The following BICC1 variants were observed in gnomAD, a reference collection of about 807,000 sequenced individuals.
BICC1 encodes protein bicaudal C homolog 1.
BICC1 carries 43 observed loss-of-function variants against 111.0 expected under a neutral mutation model. The observed-to-expected ratio is 0.39, with a 90% CI of 0.30 to 0.50. The LOEUF is 0.50. Ranked by LOEUF, BICC1 falls within the 20% of genes least tolerant of loss-of-function variation. BICC1 has a pLI of 0.88. For synonymous variants in BICC1, 467 were observed against 434.4 expected, an observed-to-expected ratio of 1.07 and a Z score of -0.93; for missense variants, 1,091 against 1,203.2, an observed-to-expected ratio of 0.91 and a Z score of 1.38.
chr10:58,551,532 C>G (rs1407710768), intron 1 of BICC1, among the ~76,000 whole-genome samples: 1 of 152,096 alleles, frequency 6.6e-6, no homozygotes, highest in African/African-American at 2.4e-5. Context: ...CAGTAGTTTT[C>G]AAGTATACAG....
Position 58,826,959 on chromosome 10 carries a change from A to C in BICC1, c.2795-1802A>C, listed in dbSNP as rs567603229. ...TGTAGCACAAGAAGGCATGGATAAC[A>C]AGAATGTTTTCTCTAGACTGTTTCC... On this transcript the variant is annotated intron_variant, in intron 20 of 20. Transcript: ENST00000373886. Among the ~76,000 whole-genome samples, 9 of 152,296 alleles carry C rather than the reference A, an allele frequency of 5.9e-5. No homozygotes were observed. The South Asian group carries it at 1.9e-3, about 32-fold the overall frequency.
rs1841638275 is a variant in BICC1 at position 58,740,832 on chromosome 10, G to GC, written c.307+38690dup. The stretch of plus-strand genomic sequence containing the variant: ...TGGAGAAAGGGATGGGTGTGGGGTG[G>GC]CTTTGGCCGACCAAAGGCGTGACAC... On this transcript the variant is annotated intron_variant, in intron 3 of 20. Transcript: ENST00000373886. 9.8e-5 allele frequency among the ~76,000 whole-genome samples: 15 copies of GC among 152,304 alleles called. No individual in the cohort carries two copies. The South Asian group carries it at 2.9e-3, about 29-fold the overall frequency.
chr10:58,570,765 A>T (rs925987618), intron 1 of BICC1, among the ~76,000 whole-genome samples: 2 of 152,182 alleles, frequency 1.3e-5, no homozygotes, highest in African/African-American at 4.8e-5. Context: ...AACTTAAACC[A>T]GAACTGTGTA....
intron 9 of BICC1, among the ~76,000 whole-genome samples, chr10:58,793,924 A>T (rs1010165957): frequency 6.6e-6 from 1 of 152,184 alleles, no homozygotes; most frequent in Non-Finnish European, 1.5e-5. Flanking sequence ...CAGATAAGGG[A>T]AACTCAACTT....
In BICC1 at chr10:58,790,381, A is replaced by G. The variant is rs180929300; in HGVS notation, c.1047+448A>G. 4.0e-3 allele frequency among the ~76,000 whole-genome samples: 606 copies of G among 152,334 alleles called. 7 individuals are homozygous for G. The highest frequency in any genetic ancestry group is 0.014 in the African/African-American group (564 of 41,576). The stretch of plus-strand genomic sequence containing the variant: ...TCAGCCCAAAACATTTGTACATTTC[A>G]TAAATCTTTGATCCAATTAAAAAAT... On this transcript the variant is annotated intron_variant, in intron 8 of 20. Coordinates refer to ENST00000373886, the MANE Select transcript of BICC1 (RefSeq NM_001080512.3).
intron 2 of BICC1, among the ~76,000 whole-genome samples, chr10:58,682,187 G>A (rs1589014317): frequency 6.6e-6 from 1 of 152,162 alleles, no homozygotes; most frequent in East Asian, 1.9e-4. Flanking sequence ...TCCCTACAAA[G>A]GACATGAACT....
intron 3 of BICC1, among the ~76,000 whole-genome samples, chr10:58,774,889 T>G (rs1282309235): frequency 6.6e-6 from 1 of 152,306 alleles, no homozygotes; most frequent in East Asian, 1.9e-4. Context: ...TAAGGGACAA[T>G]TAGTATTTTT....
intron 1 of BICC1, among the ~76,000 whole-genome samples, chr10:58,616,336 G>A (rs900590497): frequency 3.9e-5 from 6 of 152,222 alleles, no homozygotes; most frequent in Non-Finnish European, 5.9e-5. Flanking sequence ...TTTTGGCCAG[G>A]ATTGACTGAG....
At chr10:58,629,378 A>G (rs529928877) in intron 2 of BICC1, among the ~76,000 whole-genome samples, 1 of 152,110 alleles carries the variant, frequency 6.6e-6, no homozygotes, top group African/African-American at 2.4e-5. Flanking sequence ...CGATATTCTG[A>G]CTTTATGCTT....
intron 9 of BICC1, 122 bp downstream of exon 9, chr10:58,793,737 C>A (rs1843253942): frequency 9.3e-7 from 1 of 1,078,946 alleles, no homozygotes; most frequent in Non-Finnish European, 1.3e-6. Flanking sequence ...GTTGAATATC[C>A]CCAATCCGGA....
At chr10:58,784,588 A>C (rs1381749313) in intron 3 of BICC1, among the ~76,000 whole-genome samples, 1 of 152,196 alleles carries the variant, frequency 6.6e-6, no homozygotes, top group East Asian at 1.9e-4. Flanking sequence ...TCTGTAAACA[A>C]CGTCATGAAT....
intron 1 of BICC1, among the ~76,000 whole-genome samples, chr10:58,538,122 C>A (rs2131874833): frequency 6.6e-6 from 1 of 151,660 alleles, no homozygotes; most frequent in South Asian, 2.1e-4. Context: ...GAAAAAAAAT[C>A]ATAAAATTCA....
chr10:58,620,900 A>G lies in BICC1; in HGVS notation c.236A>G (p.Lys79Arg). 6.2e-7 allele frequency: 1 copy of G among 1,613,396 alleles called. No individual in the cohort carries two copies. Among genetic ancestry groups the G allele is most frequent in the Non-Finnish European group, 8.5e-7 (1 of 1,179,588 alleles). ...AGAAGTGGGGAAGACTTTTTTCAAA[A>G]GGTAAGTTGTCTTTTACTCTTGTCA... ...KGRSGEDFFQ[K>R]IMEETNTQIA... Residue 79 changes from lysine to arginine, a missense_variant and splice_region_variant, in exon 2 of 21, where the codon AAG (lysine) becomes AGG (arginine). Physicochemically the swap from Lys to Arg is conservative, Grantham distance 26. Transcript: ENST00000373886.
intron 3 of BICC1, among the ~76,000 whole-genome samples, chr10:58,772,516 C>A (rs962345473): frequency 2.6e-5 from 4 of 152,116 alleles, no homozygotes; most frequent in Non-Finnish European, 5.9e-5. Context: ...AAGATAAATA[C>A]CAGCTTGTAG....
intron 1 of BICC1, among the ~76,000 whole-genome samples, chr10:58,537,320 A>G (rs189658388): frequency 6.7e-5 from 10 of 148,460 alleles, no homozygotes; most frequent in Admixed American, 5.6e-4. Context: ...ATCCTCAACA[A>G]AATACTAGAA....
intron 1 of BICC1, among the ~76,000 whole-genome samples, chr10:58,577,656 A>G (rs919592790): frequency 6.6e-6 from 1 of 152,180 alleles, no homozygotes; most frequent in South Asian, 2.1e-4. Context: ...CTATATTGCA[A>G]TACTTTCTGG....
At chr10:58,812,894 G>C (rs1397894880) in intron 17 of BICC1, among the ~76,000 whole-genome samples, 1 of 152,116 alleles carries the variant, frequency 6.6e-6, no homozygotes, top group African/African-American at 2.4e-5. Flanking sequence ...CAGAGGGAAG[G>C]GAAGAGATCC....
intron 2 of BICC1, among the ~76,000 whole-genome samples, chr10:58,684,420 C>G (rs1450405370): frequency 6.6e-6 from 1 of 152,090 alleles, no homozygotes; most frequent in Non-Finnish European, 1.5e-5. Context: ...CCCTCTTTTT[C>G]TTTTGATTGG....
At chr10:58,765,455 A>C (rs934903160) in intron 3 of BICC1, among the ~76,000 whole-genome samples, 4 of 152,146 alleles carry the variant, frequency 2.6e-5, no homozygotes, top group African/African-American at 9.7e-5. Context: ...ATTTACATTC[A>C]TTCATCTATC....
Sources: allele counts gnomAD v4.1 joint callset (sites outside exome capture counted in the v4.1 genomes callset), GRCh38; gene constraint gnomAD v4.1.1; transcripts MANE v1.5; gene names NCBI Gene and HGNC (gene_info 2026-07-23, HGNC 2026-07-21).